Variants in PEBP4 observed in about 807,000 individuals in gnomAD.
PEBP4 encodes phosphatidylethanolamine-binding protein 4.
A neutral mutation model predicts 23.9 loss-of-function variants in PEBP4; 22 were observed. That is an observed-to-expected ratio of 0.92 (90% CI 0.66 to 1.31). PEBP4 has a LOEUF of 1.31. Ranked by LOEUF, PEBP4 falls within the 40% of genes most tolerant of loss-of-function variation. PEBP4 has a pLI of 0.00. For missense variants in PEBP4, 324 were observed against 281.7 expected (o/e 1.15, Z -1.07); for synonymous variants, 112 against 99.3 (o/e 1.13, Z -0.76).
intron 3 of PEBP4, among the ~76,000 whole-genome samples, chr8:22,880,777 C>A (rs1808236651): frequency 6.6e-6 from 1 of 152,200 alleles, no homozygotes; most frequent in Admixed American, 6.5e-5. Context: ...GGGGAGGGAC[C>A]CACTGGGGCT....
At position 22,783,241 on chromosome 8, in the gene PEBP4, G is replaced by A. The variant is rs140097757; in HGVS notation, c.357+34396C>T. The stretch of plus-strand genomic sequence containing the variant: ...TTTCTCAGTCCTTTCTTGAGAATAA[G>A]GGAGTGATGCTTAGCAATGTTCTTT... On this transcript the variant is annotated intron_variant, in intron 4 of 6. Transcript: ENST00000256404. Among the ~76,000 whole-genome samples, 1,292 of 152,344 alleles carry A rather than the reference G, an allele frequency of 8.5e-3. 19 individuals are homozygous for A. Among genetic ancestry groups the A allele is most frequent in the African/African-American group, 0.029 (1,226 of 41,576 alleles).
At chr8:22,784,862 C>G (rs556089773) in intron 4 of PEBP4, among the ~76,000 whole-genome samples, 1 of 152,340 alleles carries the variant, frequency 6.6e-6, no homozygotes, top group African/African-American at 2.4e-5. Flanking sequence ...ACATAACCCT[C>G]TGTCAACAGC....
At chr8:22,905,759 G>C (rs551108260) in intron 3 of PEBP4, among the ~76,000 whole-genome samples, 1 of 152,238 alleles carries the variant, frequency 6.6e-6, no homozygotes, top group African/African-American at 2.4e-5. Context: ...AGCCTGGCAG[G>C]TTCCTCTCCA....
intron 4 of PEBP4, among the ~76,000 whole-genome samples, chr8:22,790,945 C>A: frequency 6.6e-6 from 1 of 152,114 alleles, no homozygotes; most frequent in South Asian, 2.1e-4. Flanking sequence ...CTGGGACACA[C>A]GATGACCCCC....
chr8:22,877,734 C>G (rs996846996), intron 3 of PEBP4, among the ~76,000 whole-genome samples: 4 of 152,148 alleles, frequency 2.6e-5, no homozygotes, highest in Non-Finnish European at 5.9e-5. Context: ...GGGCTTTCCT[C>G]GAATTGACAA....
At chr8:22,934,748 A>G (rs1809511461) in intron 1 of PEBP4, among the ~76,000 whole-genome samples, 1 of 152,222 alleles carries the variant, frequency 6.6e-6, no homozygotes, top group Non-Finnish European at 1.5e-5. Flanking sequence ...AAAATAAGTC[A>G]TTGAGTCATT....
At chr8:22,855,174 ACTC>A (rs1300385492) in intron 3 of PEBP4, among the ~76,000 whole-genome samples, 1 of 151,458 alleles carries the variant, frequency 6.6e-6, no homozygotes, top group African/African-American at 2.4e-5. Flanking sequence ...TCCAAGATCA[ACTC>A]CTCCTCTCTC....
At chr8:22,909,288 C>T (rs1808884783) in intron 3 of PEBP4, among the ~76,000 whole-genome samples, 1 of 152,004 alleles carries the variant, frequency 6.6e-6, no homozygotes, top group African/African-American at 2.4e-5. Flanking sequence ...CCTACCCCAT[C>T]CTCTGCGGCT....
At chr8:22,841,488 C>A (rs1324400549) in intron 3 of PEBP4, among the ~76,000 whole-genome samples, 2 of 152,214 alleles carry the variant, frequency 1.3e-5, no homozygotes, top group Non-Finnish European at 2.9e-5. Context: ...CAAACGGGTC[C>A]TTTCTCTATT....
chr8:22,720,743 A>T (rs1051319101), intron 6 of PEBP4, among the ~76,000 whole-genome samples: 2 of 152,130 alleles, frequency 1.3e-5, no homozygotes, highest in Admixed American at 6.5e-5. Context: ...TGTTCCTCCT[A>T]TCTTGGGGAC....
At chr8:22,798,245 G>A (rs1035188524) in intron 4 of PEBP4, among the ~76,000 whole-genome samples, 3 of 152,138 alleles carry the variant, frequency 2.0e-5, no homozygotes, top group African/African-American at 7.2e-5. Flanking sequence ...TAATTCTGGA[G>A]AGAATGCTCT....
intron 4 of PEBP4, among the ~76,000 whole-genome samples, chr8:22,755,323 C>A (rs935421127): frequency 6.8e-6 from 1 of 147,694 alleles, no homozygotes; most frequent in African/African-American, 2.5e-5. Context: ...CATTTCTCTC[C>A]CTCTTTTTTT....
At chr8:22,830,555 A>G (rs549467411) in intron 3 of PEBP4, among the ~76,000 whole-genome samples, 3 of 152,286 alleles carry the variant, frequency 2.0e-5, no homozygotes, top group East Asian at 3.9e-4. Flanking sequence ...CCTATGTCCA[A>G]TGACCCACTT....
intron 3 of PEBP4, among the ~76,000 whole-genome samples, chr8:22,839,653 G>C (rs1807282217): frequency 6.6e-6 from 1 of 152,192 alleles, no homozygotes; most frequent in Non-Finnish European, 1.5e-5. Context: ...AATACTTGCA[G>C]GGTTGAAGCC....
intron 3 of PEBP4, among the ~76,000 whole-genome samples, chr8:22,818,015 C>T (rs1053157797): frequency 3.3e-5 from 5 of 152,198 alleles, no homozygotes; most frequent in African/African-American, 2.4e-5. Flanking sequence ...AAGTTCTGAG[C>T]GCTGTGCTGA....
At chr8:22,920,832 T>C (rs770380177) in intron 2 of PEBP4, among the ~76,000 whole-genome samples, 4 of 152,184 alleles carry the variant, frequency 2.6e-5, no homozygotes, top group Non-Finnish European at 5.9e-5. Flanking sequence ...AATCCCACCA[T>C]TAGGTGAAGA....
chr8:22,791,703 C>T (rs1274971515), intron 4 of PEBP4, among the ~76,000 whole-genome samples: 1 of 152,172 alleles, frequency 6.6e-6, no homozygotes, highest in East Asian at 1.9e-4. Context: ...GTGCAGACTC[C>T]TAGAAGCCAA....
chr8:22,797,391 T>C (rs1806284526), intron 4 of PEBP4, among the ~76,000 whole-genome samples: 1 of 150,354 alleles, frequency 6.7e-6, no homozygotes, highest in South Asian at 2.1e-4. Context: ...AGCTCTTCAC[T>C]TTACCTGGGA....
Position 22,774,476 on chromosome 8 carries a change from A to T in PEBP4, c.357+43161T>A, listed in dbSNP as rs566438274. ...GTCACAGTACTCTTCAGAGCCCCAT[A>T]GGCAGCTGTCTACTCACTGACACAC... On this transcript the variant is annotated intron_variant, in intron 4 of 6. Transcript: ENST00000256404. Among the ~76,000 whole-genome samples, 95 of 152,330 alleles carry T rather than the reference A, an allele frequency of 6.2e-4. No homozygotes were observed. The South Asian group carries it at 0.015, about 24-fold the overall frequency.
Sources: gnomAD v4.1 joint callset for allele counts (sites outside exome capture counted in the v4.1 genomes callset) on GRCh38, gnomAD v4.1.1 for gene constraint, MANE v1.5 for transcripts, NCBI Gene and HGNC (gene_info 2026-07-23, HGNC 2026-07-21) for gene names.